Variants in RAD51B observed in about 807,000 individuals in gnomAD.
RAD51B encodes the protein RAD51 paralog B.
A neutral mutation model predicts 42.2 loss-of-function variants in RAD51B; 38 were observed. The observed-to-expected ratio is 0.90, with a 90% CI of 0.70 to 1.18. The LOEUF is 1.18. RAD51B is among the 50% of genes most tolerant of loss of function. RAD51B has a pLI of 0.00. For missense variants in RAD51B, 373 were observed against 400.7 expected, an observed-to-expected ratio of 0.93 and a Z score of 0.59; for synonymous variants, 154 against 145.2, an observed-to-expected ratio of 1.06 and a Z score of -0.43.
intron 8 of RAD51B, among the ~76,000 whole-genome samples, chr14:68,371,574 C>T (rs939084247): frequency 2.0e-5 from 3 of 152,096 alleles, no homozygotes; most frequent in East Asian, 3.9e-4. Context: ...TGTAAGTGAC[C>T]GGGCGTGGTG....
chr14:67,955,149 AT>A (rs2074523382), intron 7 of RAD51B, among the ~76,000 whole-genome samples: 1 of 152,146 alleles, frequency 6.6e-6, no homozygotes, highest in African/African-American at 2.4e-5. Context: ...CAGATAGTTG[AT>A]TTTATTTCTT....
intron 8 of RAD51B, among the ~76,000 whole-genome samples, chr14:68,372,681 C>G (rs961962159): frequency 1.3e-5 from 2 of 152,130 alleles, no homozygotes; most frequent in Non-Finnish European, 2.9e-5. Context: ...TTCTGTTTGG[C>G]TCTTTTGGGG....
chr14:68,601,704 T>C (rs894647045), intron 10 of RAD51B, among the ~76,000 whole-genome samples: 7 of 152,154 alleles, frequency 4.6e-5, no homozygotes, highest in Non-Finnish European at 2.9e-5. Flanking sequence ...ATACTCATAG[T>C]AGGGGGCCCA....
intron 8 of RAD51B, among the ~76,000 whole-genome samples, chr14:68,404,495 A>G (rs1430239459): frequency 2.6e-5 from 4 of 152,232 alleles, no homozygotes; most frequent in Admixed American, 6.5e-5. Context: ...GTCAAAAGAC[A>G]TAAGAGACCA....
At chr14:67,993,184 G>A (rs2075324167) in intron 7 of RAD51B, among the ~76,000 whole-genome samples, 1 of 152,114 alleles carries the variant, frequency 6.6e-6, no homozygotes, top group Non-Finnish European at 1.5e-5. Context: ...GGGTAATCAT[G>A]CTTGAGGGTA....
At chr14:68,521,705 C>T (rs1051161852) in intron 10 of RAD51B, among the ~76,000 whole-genome samples, 2 of 152,214 alleles carry the variant, frequency 1.3e-5, no homozygotes, top group African/African-American at 4.8e-5. Context: ...TCCCTTCTAG[C>T]TTCCCTGCAC....
chr14:68,536,696 A>G (rs867458276), intron 10 of RAD51B, among the ~76,000 whole-genome samples: 12 of 152,288 alleles, frequency 7.9e-5, no homozygotes, highest in African/African-American at 2.6e-4. Context: ...ATTGATTTAG[A>G]TCCTTGTGGA....
intron 11 of RAD51B, among the ~76,000 whole-genome samples, chr14:68,672,823 T>G (rs1219049088): frequency 6.6e-6 from 1 of 152,220 alleles, no homozygotes; most frequent in East Asian, 1.9e-4. Flanking sequence ...ATGGTGTCCC[T>G]TCAGAGGGTG....
chr14:68,545,638 C>G (rs2525529), intron 10 of RAD51B: 422,910 of 455,958 alleles, frequency 0.93, 198,075 homozygotes, highest in South Asian at 0.97. Flanking sequence ...AGAACGGGGA[C>G]AGGGCATGCC....
intron 7 of RAD51B, among the ~76,000 whole-genome samples, chr14:67,983,363 C>A (rs2075129267): frequency 6.6e-6 from 1 of 152,120 alleles, no homozygotes; most frequent in African/African-American, 2.4e-5. Context: ...TTTGCTGCTT[C>A]TGTTTTGCTG....
chr14:68,340,234 C>T (rs1471086122), intron 8 of RAD51B, among the ~76,000 whole-genome samples: 2 of 152,222 alleles, frequency 1.3e-5, no homozygotes, highest in Non-Finnish European at 2.9e-5. Context: ...CTCAAATATA[C>T]TTCTTTGACA....
chr14:68,424,549 C>T (rs558628394), intron 9 of RAD51B, among the ~76,000 whole-genome samples: 1 of 152,302 alleles, frequency 6.6e-6, no homozygotes, highest in African/African-American at 2.4e-5. Context: ...CCATACTGAC[C>T]TGCATTGGAA....
chr14:68,124,808 T>C (rs1253148775), intron 7 of RAD51B, among the ~76,000 whole-genome samples: 1 of 151,808 alleles, frequency 6.6e-6, no homozygotes, highest in Non-Finnish European at 1.5e-5. Context: ...AAAGATTAGC[T>C]GGGCATGGCG....
chr14:68,163,587 C>T (rs1219538848), intron 7 of RAD51B, among the ~76,000 whole-genome samples: 1 of 152,146 alleles, frequency 6.6e-6, no homozygotes, highest in Admixed American at 6.5e-5. Context: ...TCTTTCCGCT[C>T]CCATATTAAA....
intron 7 of RAD51B, among the ~76,000 whole-genome samples, chr14:68,123,031 A>AG (rs948796608): frequency 1.2e-4 from 18 of 151,536 alleles, no homozygotes; most frequent in South Asian, 2.1e-4. Context: ...GGTTGTTTCC[A>AG]GGGGGGGGTT....
rs374468964 is a variant in RAD51B at position 67,959,916 on chromosome 14, C to A, written c.756+72712C>A. On this transcript the variant is annotated intron_variant, in intron 7 of 10. Coordinates refer to ENST00000471583, the MANE Select transcript of RAD51B (RefSeq NM_133510.4). ...CCAACATGGTGAAACCCTGTCTCTA[C>A]TAAAAATACAAAAAAATTAGCTGGC... 4.6e-5 allele frequency among the ~76,000 whole-genome samples: 7 copies of A among 152,104 alleles called. No homozygotes were observed. The East Asian group carries it at 7.8e-4, about 17-fold the overall frequency.
chr14:68,115,718 G>C (rs577766762), intron 7 of RAD51B, among the ~76,000 whole-genome samples: 1 of 152,194 alleles, frequency 6.6e-6, no homozygotes, highest in Admixed American at 6.5e-5. Flanking sequence ...CAAAGTGCGG[G>C]AATCTTGTGT....
intron 7 of RAD51B, among the ~76,000 whole-genome samples, chr14:67,965,499 C>G (rs997372566): frequency 3.3e-5 from 5 of 152,094 alleles, no homozygotes; most frequent in African/African-American, 4.8e-5. Flanking sequence ...TCATATCACT[C>G]TCTGGTTTAA....
At chr14:68,673,596 T>C (rs892622906) in intron 11 of RAD51B, among the ~76,000 whole-genome samples, 2 of 129,918 alleles carry the variant, frequency 1.5e-5, no homozygotes, top group African/African-American at 6.6e-5. Context: ...CATACACATA[T>C]GTACATGCAC....
Sources: allele counts gnomAD v4.1 joint callset (sites outside exome capture counted in the v4.1 genomes callset), GRCh38; gene constraint gnomAD v4.1.1; transcripts MANE v1.5; gene names NCBI Gene and HGNC (gene_info 2026-07-23, HGNC 2026-07-21).